The following PHC2 variants were observed in gnomAD, a reference collection of about 807,000 sequenced individuals.
The protein encoded by PHC2 is polyhomeotic homolog 2, also known as polyhomeotic-like protein 2.
PHC2 carries 29 observed loss-of-function variants against 87.4 expected under a neutral mutation model. The observed-to-expected ratio is 0.33, with a 90% CI of 0.25 to 0.45. The LOEUF (loss-of-function observed/expected upper bound fraction) is 0.45, where lower values mean the gene tolerates loss of function less well. Among genes scored for constraint, PHC2 ranks in the 20% least tolerant of loss-of-function variants. The pLI, the probability that PHC2 is intolerant of heterozygous loss-of-function variation, is 1.00. For synonymous variants in PHC2, 438 were observed against 461.7 expected, an observed-to-expected ratio of 0.95 and a Z score of 0.66; for missense variants, 857 against 1,136.7, an observed-to-expected ratio of 0.75 and a Z score of 3.54.
chr1:33,353,516 C>T (rs1258040443), intron 9 of PHC2: 11 of 152,294 alleles, frequency 7.2e-5, no homozygotes, highest in Admixed American at 7.2e-4. Flanking sequence ...TCCATATTCT[C>T]TTCCTTGATC....
intron 9 of PHC2, among the ~76,000 whole-genome samples, chr1:33,336,269 A>G (rs1196794845): frequency 1.3e-5 from 2 of 152,030 alleles, no homozygotes; most frequent in South Asian, 2.1e-4. Context: ...GATTACAGGC[A>G]TGAGCCACCG....
At chr1:33,403,143 T>TTG (rs1649616106) in intron 1 of PHC2, among the ~76,000 whole-genome samples, 1 of 135,404 alleles carries the variant, frequency 7.4e-6, no homozygotes, top group Non-Finnish European at 1.6e-5. Context: ...TTTTTTTTTT[T>TTG]TTGAGATGGA....
rs1648517387 is a variant in PHC2 at position 33,382,003 on chromosome 1, A to ATGG, written c.-54-6413_-54-6411dup. ...GCACCTCAGGAAACCTCCTGCCCGC[A>ATGG]TGGTGGTGGTGACTTATCAACGAGA... On this transcript the variant is annotated intron_variant, in intron 1 of 14. Transcript: ENST00000683057. This position sits in a 1 kb window ranked among gnomAD's most constrained non-coding sequence, Gnocchi z 4.3. 6.6e-6 allele frequency among the ~76,000 whole-genome samples: 1 copy of ATGG among 151,978 alleles called. No individual in the cohort carries two copies. The highest frequency in any genetic ancestry group is 2.4e-5 in the African/African-American group (1 of 41,350).
At chr1:33,405,487 G>C (rs894359565) in intron 1 of PHC2, among the ~76,000 whole-genome samples, 1 of 152,002 alleles carries the variant, frequency 6.6e-6, no homozygotes, top group Non-Finnish European at 1.5e-5. Flanking sequence ...CACTACACCC[G>C]GCAGCAGTCT....
chr1:33,400,030 G>A (rs900033241), intron 1 of PHC2, among the ~76,000 whole-genome samples: 11 of 150,096 alleles, frequency 7.3e-5, no homozygotes. Flanking sequence ...ATTATTATTT[G>A]TAAAAAAAAA....
At chr1:33,352,218 G>A (rs778909063) in intron 9 of PHC2, among the ~76,000 whole-genome samples, 41 of 152,228 alleles carry the variant, frequency 2.7e-4, no homozygotes, top group Admixed American at 1.0e-3. Flanking sequence ...TGCGGAGACA[G>A]GGCATGAGTA....
rs548936163 is a variant in PHC2 at position 33,380,218 on chromosome 1, A to G, written c.-54-4625T>C. On this transcript the variant is annotated intron_variant, in intron 1 of 14. Coordinates refer to ENST00000683057, the MANE Select transcript of PHC2 (RefSeq NM_001385109.1). ...TGACTAGATTTTAAGTGTGCAATTCAGTACCATTAACTACACTCACCTGTT... is the reference window on the plus strand; with the variant it reads ...TGACTAGATTTTAAGTGTGCAATTCGGTACCATTAACTACACTCACCTGTT... 7.7e-4 allele frequency among the ~76,000 whole-genome samples: 118 copies of G among 152,366 alleles called. 1 individual carries two copies. In the South Asian group the frequency reaches 0.024, roughly 31 times the overall value.
Position 33,414,219 on chromosome 1 carries a change from A to ACG in PHC2, c.-55+16756_-55+16757insCG, listed in dbSNP as rs66715668. 5.8e-3 allele frequency among the ~76,000 whole-genome samples: 868 copies of ACG among 149,316 alleles called. 7 individuals carry two copies. The highest frequency in any genetic ancestry group is 0.02 in the African/African-American group (825 of 40,364). ...CACACACACACACACACACACACACAAGAAAGGTTAACAGTTGAGGTTGAT... is the reference window on the plus strand; with the variant it reads ...CACACACACACACACACACACACACACGAGAAAGGTTAACAGTTGAGGTTGAT... On this transcript the variant is annotated intron_variant, in intron 1 of 14. Coordinates refer to ENST00000683057, the MANE Select transcript of PHC2 (RefSeq NM_001385109.1).
chr1:33,345,277 A>G (rs1306287173), intron 9 of PHC2: 6 of 152,348 alleles, frequency 3.9e-5, no homozygotes, highest in Admixed American at 2.6e-4. Context: ...TCTGAAAAAA[A>G]CAGACATTTG....
chr1:33,360,372 C>G (rs538334296), intron 7 of PHC2, among the ~76,000 whole-genome samples: 2 of 152,388 alleles, frequency 1.3e-5, no homozygotes, highest in East Asian at 3.9e-4. Context: ...CTACCCTGCC[C>G]TTGGCAGAGG....
In PHC2 at chr1:33,358,438, A is replaced by G. The variant is rs1025530074; in HGVS notation, c.977-3185T>C. Among the ~76,000 whole-genome samples, 4 of 152,226 alleles carry G rather than the reference A, an allele frequency of 2.6e-5. No individual in the cohort carries two copies. The South Asian group carries it at 8.3e-4, about 31-fold the overall frequency. ...AGAGACCCAAAGGTATTTGGGGTAT[A>G]TATTAATACATCCTTAACTTTTTGA... On this transcript the variant is annotated intron_variant, in intron 7 of 14. Transcript: ENST00000683057.
chr1:33,368,195 C>T lies in PHC2; in HGVS notation c.663+341G>A, dbSNP rs554738002. Among the ~76,000 whole-genome samples, 30 of 152,326 alleles carry T rather than the reference C, an allele frequency of 2.0e-4. 1 individual carries two copies. The highest frequency in any genetic ancestry group is 6.7e-4 in the African/African-American group (28 of 41,566). On this transcript the variant is annotated intron_variant, in intron 6 of 14. Coordinates refer to ENST00000683057, the MANE Select transcript of PHC2 (RefSeq NM_001385109.1). The surrounding 1 kb of genome is among the most constrained non-coding windows in gnomAD (Gnocchi z 6.6). ...GCAGCACTACCGTGTGTAACCGGAGCGGGACTTTCCACTTATGAAGCAGCA... is the reference window on the plus strand; with the variant it reads ...GCAGCACTACCGTGTGTAACCGGAGTGGGACTTTCCACTTATGAAGCAGCA...
chr1:33,376,348 G>C (rs1648180105), intron 1 of PHC2, among the ~76,000 whole-genome samples: 1 of 152,210 alleles, frequency 6.6e-6, no homozygotes, highest in African/African-American at 2.4e-5. Flanking sequence ...TGGGAACTGA[G>C]GTCTTAAGAC....
intron 14 of PHC2, among the ~76,000 whole-genome samples, chr1:33,327,756 C>A (rs1315254820): frequency 1.3e-5 from 2 of 152,174 alleles, no homozygotes; most frequent in African/African-American, 2.4e-5. Context: ...AGACAAGAAC[C>A]AAGGCCTCTT....
At chr1:33,408,101 A>T (rs1001860007) in intron 1 of PHC2, among the ~76,000 whole-genome samples, 2 of 152,218 alleles carry the variant, frequency 1.3e-5, no homozygotes, top group Admixed American at 6.5e-5. Context: ...AAGAAAATTT[A>T]AAAAATTTAT....
chr1:33,370,553 C>T lies in PHC2; in HGVS notation c.444G>A (p.Gln148=). 1 of 1,613,678 alleles carries T rather than the reference C, an allele frequency of 6.2e-7. No homozygotes were observed. The highest frequency in any genetic ancestry group is 1.7e-5 in the Admixed American group (1 of 60,004). Residue 148 remains glutamine, a synonymous_variant, in exon 5 of 15, where the codon CAG becomes CAA. Transcript: ENST00000683057. ...INLAASPAAA[Q]LLNRAQSVNS... ...TCACACTCTGGGCCCGGTTGAGGAG[C>T]TGGGCTGCTGCTGGGGAGGCTGCCA...
chr1:33,371,482 T>C (rs879311166), intron 3 of PHC2, among the ~76,000 whole-genome samples: 10 of 151,068 alleles, frequency 6.6e-5, no homozygotes, highest in South Asian at 2.1e-4. Context: ...CCATCACACC[T>C]GGCCACCGCC....
At chr1:33,383,604 A>T (rs1648595285) in intron 1 of PHC2, among the ~76,000 whole-genome samples, 2 of 152,340 alleles carry the variant, frequency 1.3e-5, no homozygotes, top group Middle Eastern at 3.4e-3. Flanking sequence ...TTTGGAAGGG[A>T]TGTACAGTGA....
intron 6 of PHC2, 106 bp from the exon 7 acceptor site, chr1:33,367,534 G>T: frequency 1.1e-6 from 1 of 882,916 alleles, no homozygotes; most frequent in Non-Finnish European, 1.7e-6. Context: ...GAATAGAACA[G>T]GAGGTTGTCA....
Sources: gnomAD v4.1 joint callset for allele counts (sites outside exome capture counted in the v4.1 genomes callset) on GRCh38, gnomAD v4.1.1 for gene constraint, Gnocchi (gnomAD v3.1) non-coding constraint, MANE v1.5 for transcripts, NCBI Gene and HGNC (gene_info 2026-07-23, HGNC 2026-07-21) for gene names.